The following PCSK5 variants were observed in gnomAD, a reference collection of about 807,000 sequenced individuals.
PCSK5 encodes proprotein convertase subtilisin/kexin type 5.
In PCSK5, 129 loss-of-function variants were observed where a neutral mutation model predicts 233.2. The observed-to-expected ratio is 0.55, with a 90% confidence interval of 0.48 to 0.64. PCSK5 has a LOEUF of 0.64. Among genes scored for constraint, PCSK5 ranks in the 30% least tolerant of loss-of-function variants. The pLI, the probability that PCSK5 is intolerant of heterozygous loss-of-function variation, is 0.00. For missense variants in PCSK5, 2,076 were observed against 2,430.1 expected, an observed-to-expected ratio of 0.85 and a Z score of 3.06; for synonymous variants, 825 against 879.2, an observed-to-expected ratio of 0.94 and a Z score of 1.09.
At chr9:75,905,501 C>T (rs1826224940) in intron 1 of PCSK5, among the ~76,000 whole-genome samples, 1 of 152,170 alleles carries the variant, frequency 6.6e-6, no homozygotes, top group Non-Finnish European at 1.5e-5. Context: ...TGGATGACAG[C>T]AAGACACTGT....
intron 1 of PCSK5, among the ~76,000 whole-genome samples, chr9:75,906,482 C>T (rs909344534): frequency 3.3e-5 from 5 of 152,166 alleles, no homozygotes; most frequent in African/African-American, 1.2e-4. Context: ...GCCTCAGCCT[C>T]CCAAAGTGCT....
chr9:76,009,180 T>A (rs57273509), intron 3 of PCSK5, among the ~76,000 whole-genome samples: 2,113 of 152,292 alleles, frequency 0.014, 48 homozygotes, highest in African/African-American at 0.048. Flanking sequence ...GATGCAAATT[T>A]AATTTTATAA....
chr9:76,337,100 T>C (rs1226918081), intron 34 of PCSK5, among the ~76,000 whole-genome samples: 1 of 132,948 alleles, frequency 7.5e-6, no homozygotes, highest in Admixed American at 7.6e-5. Flanking sequence ...ACTTGTCACC[T>C]CCTATTTCAA....
chr9:75,908,949 A>C (rs76765555), intron 1 of PCSK5, among the ~76,000 whole-genome samples: 117 of 88,308 alleles, frequency 1.3e-3, no homozygotes, highest in East Asian at 0.011. Flanking sequence ...CTGTCTATCT[A>C]TCTATCTATC....
At chr9:75,975,357 C>T (rs1250811821) in intron 2 of PCSK5, among the ~76,000 whole-genome samples, 2 of 151,986 alleles carry the variant, frequency 1.3e-5, no homozygotes, top group African/African-American at 2.4e-5. Flanking sequence ...CTTTCATGAC[C>T]ATTGCTTATG....
chr9:76,104,899 C>T (rs564891957), intron 8 of PCSK5, among the ~76,000 whole-genome samples: 1 of 152,254 alleles, frequency 6.6e-6, no homozygotes, highest in East Asian at 1.9e-4. Flanking sequence ...GATCTGGACA[C>T]CTGGAAACAA....
intron 9 of PCSK5, among the ~76,000 whole-genome samples, chr9:76,118,466 CT>C (rs1473844252): frequency 3.9e-5 from 6 of 152,028 alleles, no homozygotes; most frequent in Non-Finnish European, 8.8e-5. Context: ...ATATTCCAGT[CT>C]TTGAAATCCA....
chr9:76,114,402 A>G (rs1447135535), intron 9 of PCSK5, among the ~76,000 whole-genome samples: 1 of 152,122 alleles, frequency 6.6e-6, no homozygotes, highest in Non-Finnish European at 1.5e-5. Context: ...TCTGTCCTCT[A>G]GTCCTTCTCA....
At chr9:76,250,867 G>C (rs142829784) in intron 24 of PCSK5, among the ~76,000 whole-genome samples, 89 of 152,342 alleles carry the variant, frequency 5.8e-4, no homozygotes, top group African/African-American at 1.6e-3. Flanking sequence ...CCTATATCTT[G>C]ATTGTTGGAG....
At chr9:75,930,126 G>T (rs1478856969) in intron 1 of PCSK5, among the ~76,000 whole-genome samples, 2 of 152,174 alleles carry the variant, frequency 1.3e-5, no homozygotes, top group Admixed American at 6.5e-5. Flanking sequence ...GCCTCCCAAA[G>T]TGCTAGGGTT....
chr9:76,254,868 C>A (rs1826929264), intron 24 of PCSK5, among the ~76,000 whole-genome samples: 1 of 152,322 alleles, frequency 6.6e-6, no homozygotes, highest in Admixed American at 6.5e-5. Flanking sequence ...ATGCGATAGG[C>A]CAGAAGTTCT....
At chr9:76,299,052 C>T (rs1564165888) in intron 27 of PCSK5, among the ~76,000 whole-genome samples, 1 of 152,186 alleles carries the variant, frequency 6.6e-6, no homozygotes, top group Non-Finnish European at 1.5e-5. Context: ...AAAAGTCCAG[C>T]TAGAGTTCCC....
intron 24 of PCSK5, among the ~76,000 whole-genome samples, chr9:76,279,766 T>C (rs1196268805): frequency 2.0e-5 from 3 of 151,868 alleles, no homozygotes; most frequent in Non-Finnish European, 4.4e-5. Context: ...GGTTGTTTGT[T>C]TTTTTCTTGT....
At chr9:76,348,212 C>A (rs544295747) in intron 35 of PCSK5, among the ~76,000 whole-genome samples, 2 of 152,190 alleles carry the variant, frequency 1.3e-5, no homozygotes, top group East Asian at 3.9e-4. Context: ...TGTTCGAGAC[C>A]AGCCTAGCCA....
chr9:76,006,443 A>G (rs1393387299), intron 3 of PCSK5, among the ~76,000 whole-genome samples: 1 of 152,150 alleles, frequency 6.6e-6, no homozygotes, highest in African/African-American at 2.4e-5. Flanking sequence ...TATTAAATGT[A>G]ACCTTTATAT....
intron 8 of PCSK5, among the ~76,000 whole-genome samples, chr9:76,097,987 G>C (rs966152247): frequency 1.6e-4 from 24 of 152,196 alleles, no homozygotes; most frequent in African/African-American, 5.1e-4. Flanking sequence ...ATCTACGCAG[G>C]TTGGGGTCAC....
chr9:76,350,324 G>T (rs1564195727), intron 35 of PCSK5, among the ~76,000 whole-genome samples: 2 of 151,914 alleles, frequency 1.3e-5, no homozygotes, highest in Non-Finnish European at 2.9e-5. Context: ...TCAAAGAAAT[G>T]TATCACCATC....
At chr9:76,179,826 C>A in intron 15 of PCSK5, 128 bp downstream of exon 15, 1 of 640,616 alleles carries the variant, frequency 1.6e-6, no homozygotes, top group Non-Finnish European at 2.8e-6. Flanking sequence ...AGGACCGAAA[C>A]ATAGAAAAGA....
At chr9:76,124,032 TG>T (rs1385358446) in intron 9 of PCSK5, among the ~76,000 whole-genome samples, 1 of 152,194 alleles carries the variant, frequency 6.6e-6, no homozygotes, top group African/African-American at 2.4e-5. Flanking sequence ...TAATATGTCC[TG>T]GAAAACATTA....
Sources: gnomAD v4.1 joint callset for allele counts (sites outside exome capture counted in the v4.1 genomes callset) on GRCh38, gnomAD v4.1.1 for gene constraint, MANE v1.5 for transcripts, NCBI Gene and HGNC (gene_info 2026-07-23, HGNC 2026-07-21) for gene names.